Variants in PRKN observed in about 807,000 individuals in gnomAD.
The protein encoded by PRKN is parkin RBR E3 ubiquitin protein ligase.
Under a neutral mutation model 59.5 loss-of-function variants are expected in PRKN, and 56 were observed. The observed-to-expected ratio is 0.94, with a 90% confidence interval of 0.76 to 1.18. The LOEUF (loss-of-function observed/expected upper bound fraction) is 1.18, where lower values mean the gene tolerates loss of function less well. Ranked by LOEUF, PRKN falls within the 50% of genes most tolerant of loss-of-function variation. The pLI is 0.00. For missense variants in PRKN, 657 were observed against 596.4 expected (o/e 1.10, Z -1.06); for synonymous variants, 250 against 222.1 (o/e 1.13, Z -1.12).
intron 4 of PRKN, among the ~76,000 whole-genome samples, chr6:162,074,412 T>C (rs1455045348): frequency 2.8e-5 from 4 of 142,730 alleles, no homozygotes; most frequent in South Asian, 2.4e-4. Context: ...TTCTCACTCA[T>C]AGGTGGGAAT....
At chr6:162,380,754 T>C (rs975368914) in intron 2 of PRKN, among the ~76,000 whole-genome samples, 4 of 151,944 alleles carry the variant, frequency 2.6e-5, no homozygotes, top group Admixed American at 1.3e-4. Context: ...AATTCCACCT[T>C]GCAGCATTGT....
chr6:161,373,938 A>G lies in PRKN; in HGVS notation c.1167+12856T>C, dbSNP rs965840990. ...CTTGCCTGTTGTCGGCTGGGCCACT[A>G]TGCAGGCGTGGCTGGGGTGCCTTTC... is the stretch of plus-strand genomic sequence containing the variant. On this transcript the variant is annotated intron_variant, in intron 10 of 11. Transcript: ENST00000366898. The surrounding 1 kb of genome is among the most constrained non-coding windows in gnomAD (Gnocchi z 4.8). Among the ~76,000 whole-genome samples the G allele has an allele frequency of 2.6e-5, 4 of 152,152 alleles. No individual in the cohort carries two copies. Among genetic ancestry groups the G allele is most frequent in the Non-Finnish European group, 5.9e-5 (4 of 68,030 alleles).
intron 6 of PRKN, among the ~76,000 whole-genome samples, chr6:161,871,423 C>A (rs1312392890): frequency 6.6e-6 from 1 of 152,152 alleles, no homozygotes; most frequent in Non-Finnish European, 1.5e-5. Flanking sequence ...ACTATTGCCT[C>A]AGCCACCCTA....
chr6:162,010,927 TAATATAA>T (rs1782596012), intron 5 of PRKN, among the ~76,000 whole-genome samples: 1 of 10,852 alleles, frequency 9.2e-5, no homozygotes, highest in African/African-American at 9.5e-4. Flanking sequence ...ATATAATATA[TAATATAA>T]TATATAATAT....
At chr6:162,311,971 A>G (rs547569748) in intron 2 of PRKN, among the ~76,000 whole-genome samples, 1 of 152,184 alleles carries the variant, frequency 6.6e-6, no homozygotes, top group East Asian at 1.9e-4. Context: ...AAGACGCTTG[A>G]TCACACACAC....
chr6:161,596,754 T>C (rs1200096994), intron 7 of PRKN, among the ~76,000 whole-genome samples: 1 of 152,226 alleles, frequency 6.6e-6, no homozygotes, highest in African/African-American at 2.4e-5. Context: ...CCATTAGTTA[T>C]AACAATGGTT....
intron 3 of PRKN, among the ~76,000 whole-genome samples, chr6:162,225,277 A>T (rs181276893): frequency 2.0e-5 from 3 of 152,266 alleles, no homozygotes; most frequent in Non-Finnish European, 4.4e-5. Flanking sequence ...ATGACTGTAA[A>T]TACCTTATGA....
rs1402384587 is a variant in PRKN, at chr6:162,003,166, A to G, written c.619-29749T>C. ...ATGGCTGCAATGAGAAAATCCCAGA[A>G]TCATACAGAAAAACCTTCCCCCAAA... On this transcript the variant is annotated intron_variant, in intron 5 of 11. Transcript: ENST00000366898. Among the ~76,000 whole-genome samples, 6 of 150,774 alleles carry G rather than the reference A, an allele frequency of 4.0e-5. No individual in the cohort carries two copies. The Admixed American group carries it at 4.0e-4, about 10-fold the overall frequency.
At chr6:162,568,444 G>C (rs1780174591) in intron 1 of PRKN, 11 of 614,322 alleles carry the variant, frequency 1.8e-5, no homozygotes, top group Non-Finnish European at 3.0e-5. Context: ...GCAGCTTCCG[G>C]GGGTGGCCTG....
In PRKN at chr6:162,017,900, G is replaced by GAC. The variant is rs375942426; in HGVS notation, c.618+36190_618+36191insGT. Among the ~76,000 whole-genome samples, 68 of 76,344 alleles carry GAC rather than the reference G, an allele frequency of 8.9e-4. No homozygotes were observed. The East Asian group carries it at 0.017, about 19-fold the overall frequency. The allele number at this position is 76,344 out of a possible 152,430, so 50.1% of individuals were successfully genotyped here. ...TACCAAGCATGAAAAAAGAAACCCC[G>GAC]AGAGAGCCTCTGTTGTTCCTATGTG... On this transcript the variant is annotated intron_variant, in intron 5 of 11. Transcript: ENST00000366898.
chr6:161,827,294 T>C (rs899025143), intron 6 of PRKN, among the ~76,000 whole-genome samples: 4 of 152,188 alleles, frequency 2.6e-5, no homozygotes, highest in Non-Finnish European at 5.9e-5. Context: ...AGAGGTAGTC[T>C]AGGGAACTGA....
At chr6:161,938,155 C>T (rs1167529232) in intron 6 of PRKN, among the ~76,000 whole-genome samples, 1 of 152,198 alleles carries the variant, frequency 6.6e-6, no homozygotes, top group Admixed American at 6.5e-5. Flanking sequence ...ATCTGACATT[C>T]TGCTCTTAAG....
intron 1 of PRKN, among the ~76,000 whole-genome samples, chr6:162,488,027 CTT>C (rs752587530): frequency 5.0e-4 from 55 of 109,748 alleles, no homozygotes; most frequent in African/African-American, 5.4e-4. Flanking sequence ...CACCATTTCC[CTT>C]TTTTTTTTTT....
At chr6:161,752,800 A>C (rs1429174842) in intron 7 of PRKN, among the ~76,000 whole-genome samples, 1 of 152,234 alleles carries the variant, frequency 6.6e-6, no homozygotes, top group Non-Finnish European at 1.5e-5. Context: ...CAAGTTCAGT[A>C]AACAGATACT....
intron 4 of PRKN, among the ~76,000 whole-genome samples, chr6:162,187,539 C>T (rs1261507687): frequency 6.6e-6 from 1 of 152,110 alleles, no homozygotes; most frequent in African/African-American, 2.4e-5. Flanking sequence ...TATACACCAC[C>T]CCTCCAGCAA....
intron 1 of PRKN, among the ~76,000 whole-genome samples, chr6:162,691,877 C>T (rs1486229221): frequency 6.6e-6 from 1 of 152,062 alleles, no homozygotes; most frequent in Non-Finnish European, 1.5e-5. Flanking sequence ...AAATCTGTCA[C>T]GCAAATACGT....
chr6:161,707,722 C>CTG, intron 7 of PRKN, among the ~76,000 whole-genome samples: 1 of 70,664 alleles, frequency 1.4e-5, no homozygotes, highest in Non-Finnish European at 2.4e-5. Flanking sequence ...AATTTTTGTA[C>CTG]TCTAAGATCA....
chr6:161,730,477 G>C (rs1430329457), intron 7 of PRKN, among the ~76,000 whole-genome samples: 6 of 151,004 alleles, frequency 4.0e-5, no homozygotes, highest in African/African-American at 1.5e-4. Flanking sequence ...CTGATGTGTT[G>C]CATTCTTTCT....
Position 161,545,448 on chromosome 6 carries a change from A to C in PRKN, c.1083+3406T>G. ...TCTTCGTTGTCCATACTGTGAGAGC[A>C]AAGAGTAAAAAGAGATTCACCTTCT... On this transcript the variant is annotated intron_variant, in intron 9 of 11. Transcript: ENST00000366898. This position sits in a 1 kb window ranked among gnomAD's most constrained non-coding sequence, Gnocchi z 4.1. 1.0e-5 allele frequency: 16 copies of C among 1,568,834 alleles called. No homozygotes were observed. Among genetic ancestry groups the C allele is most frequent in the Non-Finnish European group, 1.4e-5 (16 of 1,139,908 alleles).
Sources: allele counts gnomAD v4.1 joint callset (sites outside exome capture counted in the v4.1 genomes callset), GRCh38; gene constraint gnomAD v4.1.1; non-coding constraint Gnocchi (gnomAD v3.1); transcripts MANE v1.5; gene names NCBI Gene and HGNC (gene_info 2026-07-23, HGNC 2026-07-21).